AKAP9: variants seen among roughly 807,000 people sequenced by gnomAD.
AKAP9 encodes A-kinase anchoring protein 9.
AKAP9 carries 311 observed loss-of-function variants against 488.5 expected under a neutral mutation model. The ratio of observed to expected loss-of-function variants is 0.64; its 90% CI spans 0.58 to 0.70. The LOEUF is 0.70. Among genes scored for constraint, AKAP9 ranks in the 30% least tolerant of loss-of-function variants. The pLI is 0.00. For synonymous variants in AKAP9, 1,462 were observed against 1,483.5 expected, an observed-to-expected ratio of 0.99 and a Z score of 0.33; for missense variants, 4,215 against 4,374.5, an observed-to-expected ratio of 0.96 and a Z score of 1.03.
chr7:92,002,394 T>A lies in AKAP9; in HGVS notation c.2477T>A (p.Ile826Lys), dbSNP rs534185372. The A allele has an allele frequency of 6.2e-7, 1 of 1,610,766 alleles. No individual in the cohort carries two copies. The highest frequency in any genetic ancestry group is 2.2e-5 in the East Asian group (1 of 44,758). Reference protein sequence around the residue: ...SVWEKEIEILIEENEDLKQQC... With the variant: ...SVWEKEIEILKEENEDLKQQC... The stretch of plus-strand genomic sequence containing the variant: ...TGGGAAAAAGAAATAGAAATACTTA[T>A]AGAGGAAAATGAGGACCTCAAACAA... The change falls in exon 8 of 50, where the codon ATA (isoleucine) becomes AAA (lysine). Residue 826 changes from isoleucine to lysine, a missense_variant. Ile to Lys is a moderately radical substitution (Grantham distance 102, BLOSUM62 -3). Around this residue, in one of 5 missense-constraint regions of AKAP9, gnomAD observed 2,361 missense variants for 2,430.0 expected, o/e 0.97. Transcript: ENST00000356239.
chr7:92,102,170 A>AAAT (rs1817629080), intron 45 of AKAP9, among the ~76,000 whole-genome samples: 20 of 135,018 alleles, frequency 1.5e-4, no homozygotes, highest in South Asian at 2.3e-4. Flanking sequence ...ATTTAAAAAA[A>AAAT]AAATAAATAA....
At chr7:91,992,681 A>C (rs990598658) in intron 4 of AKAP9, among the ~76,000 whole-genome samples, 11 of 151,656 alleles carry the variant, frequency 7.3e-5, no homozygotes, top group African/African-American at 7.3e-5. Context: ...AAAAAAAAAA[A>C]AAAACTCAAT....
At chr7:92,094,965 C>A in intron 39 of AKAP9, 58 bp from the exon 40 acceptor site, 2 of 1,544,954 alleles carry the variant, frequency 1.3e-6, no homozygotes, top group Non-Finnish European at 1.8e-6. Flanking sequence ...TTTTCTCTCT[C>A]TCATTATATG....
chr7:91,971,982 C>CT (rs71107846), intron 1 of AKAP9, among the ~76,000 whole-genome samples: 3,273 of 91,742 alleles, frequency 0.036, 246 homozygotes, highest in East Asian at 0.17. Context: ...TTTTGCCTCT[C>CT]TTTTTTTTTT....
chr7:92,105,421 C>T (rs1818353906), intron 46 of AKAP9, among the ~76,000 whole-genome samples: 2 of 152,154 alleles, frequency 1.3e-5, no homozygotes, highest in Admixed American at 1.3e-4. Context: ...CCCCATTTAT[C>T]CCTCAAGCTG....
In AKAP9 at chr7:92,006,501, C is replaced by T. The variant is rs190158773; in HGVS notation, c.3318+3266C>T. 1.2e-4 allele frequency among the ~76,000 whole-genome samples: 19 copies of T among 152,246 alleles called. No homozygotes were observed. In the East Asian group the frequency reaches 3.7e-3, roughly 29 times the overall value. On this transcript the variant is annotated intron_variant, in intron 8 of 49. Transcript: ENST00000356239. ...GATACTAAAAAGATACTTTTGATGG[C>T]ATTCAGATTCCCTCTATTTGACATT...
At chr7:92,031,998 C>G (rs181781066) in intron 16 of AKAP9, among the ~76,000 whole-genome samples, 92 of 152,270 alleles carry the variant, frequency 6.0e-4, no homozygotes, top group Non-Finnish European at 8.1e-4. Context: ...ACTACAGATA[C>G]TAAGGGAGGA....
Position 91,992,157 on chromosome 7 carries a change from G to A in AKAP9, c.352-1G>A, listed in dbSNP as rs2130633941. The A allele has an allele frequency of 6.2e-7, 1 of 1,606,942 alleles. No homozygotes were observed. On this transcript the variant is annotated splice_acceptor_variant, in intron 3 of 49. Transcript: ENST00000356239. LOFTEE classifies it high-confidence loss of function. ...TATATCAGGAAATTGTTTTTATACA[G>A]GTAAATGGTTGCAGTTTTGTGATGA...
Position 92,005,138 on chromosome 7 carries a change from T to G in AKAP9, c.3318+1903T>G, listed in dbSNP as rs144634887. On this transcript the variant is annotated intron_variant, in intron 8 of 49. Coordinates refer to ENST00000356239, the MANE Select transcript of AKAP9 (RefSeq NM_005751.5). ...ATTACACTTACTGATTTGCGTATGT[T>G]GAACCAGCCTTGCATCCCAGGGATG... 2.6e-3 allele frequency among the ~76,000 whole-genome samples: 393 copies of G among 152,348 alleles called. 1 individual carries two copies. Among genetic ancestry groups the G allele is most frequent in the African/African-American group, 9.2e-3 (381 of 41,582 alleles).
chr7:92,079,625 G>T lies in AKAP9; in HGVS notation c.7492G>T (p.Glu2498Ter). 6.2e-7 allele frequency: 1 copy of T among 1,613,886 alleles called. No homozygotes were observed. Among genetic ancestry groups the T allele is most frequent in the South Asian group, 1.1e-5 (1 of 91,054 alleles). ...TGGCAAAGGTTCCATAATTAATTTG[G>T]AAACAAGGTTGCTACAACTTGAGAG... is the stretch of plus-strand genomic sequence containing the variant. ...ENGKGSIINL[E>*]TRLLQLESTV... Residue 2498 changes from glutamate (E) to a stop codon, truncating the protein, a stop_gained, in exon 31 of 50, where the codon GAA (glutamate) becomes TAA (stop). Coordinates refer to ENST00000356239, the MANE Select transcript of AKAP9 (RefSeq NM_005751.5). LOFTEE classifies it high-confidence loss of function.
At position 91,967,046 on chromosome 7, in the gene AKAP9, T is replaced by A. The variant is rs144115321; in HGVS notation, c.49-6665T>A. On this transcript the variant is annotated intron_variant, in intron 1 of 49. Transcript: ENST00000356239. Reference sequence around the variant, plus strand: ...TAGATTTTTTACTTCTTTAGTTAAATTGATTTCTGGGTATTTTATATTCTT... The same window carrying A: ...TAGATTTTTTACTTCTTTAGTTAAAATGATTTCTGGGTATTTTATATTCTT... Among the ~76,000 whole-genome samples, 980 of 152,296 alleles carry A rather than the reference T, an allele frequency of 6.4e-3. 11 individuals are homozygous for A. Among genetic ancestry groups the A allele is most frequent in the Non-Finnish European group, 9.3e-3 (630 of 68,012 alleles).
intron 2 of AKAP9, among the ~76,000 whole-genome samples, chr7:91,979,175 T>C (rs1338085464): frequency 6.6e-6 from 1 of 152,068 alleles, no homozygotes; most frequent in East Asian, 1.9e-4. Context: ...TCCATTTTCA[T>C]GCTGCTGATA....
At chr7:91,950,856 T>C (rs1207149966) in intron 1 of AKAP9, among the ~76,000 whole-genome samples, 1 of 152,206 alleles carries the variant, frequency 6.6e-6, no homozygotes, top group Non-Finnish European at 1.5e-5. Flanking sequence ...GAGTTTTGGC[T>C]GAAAGTTACA....
chr7:91,999,382 C>T (rs1430598278), intron 7 of AKAP9, among the ~76,000 whole-genome samples: 4 of 152,218 alleles, frequency 2.6e-5, no homozygotes, highest in South Asian at 2.1e-4. Flanking sequence ...CCCAGCCCCA[C>T]GCCCAGCTAG....
At position 92,042,029 on chromosome 7, in the gene AKAP9, C is replaced by A. The variant is rs1431147076; in HGVS notation, c.4918-17C>A. On this transcript the variant is annotated splice_polypyrimidine_tract_variant and intron_variant, in intron 18 of 49. Coordinates refer to ENST00000356239, the MANE Select transcript of AKAP9 (RefSeq NM_005751.5). ...TATCACAAACAGTATTCTTTCATGA[C>A]CTTTTTTCTTATTTAGAGATCCTCC... The A allele has an allele frequency of 1.9e-6, 3 of 1,612,720 alleles. No individual in the cohort carries two copies. The highest frequency in any genetic ancestry group is 1.7e-5 in the Admixed American group (1 of 59,928).
chr7:92,105,839 C>A, intron 47 of AKAP9, 76 bp downstream of exon 47: 1 of 1,314,418 alleles, frequency 7.6e-7, no homozygotes, highest in South Asian at 1.2e-5. Context: ...GACTATGGAC[C>A]ATACTTGTCT....
intron 1 of AKAP9, 30 bp downstream of exon 1, chr7:91,941,177 G>C (rs370933705): frequency 1.2e-6 from 2 of 1,605,674 alleles, no homozygotes. Flanking sequence ...CCGGGCCTGC[G>C]GTGGGAGGCG....
intron 22 of AKAP9, among the ~76,000 whole-genome samples, chr7:92,054,452 G>A (rs1257470737): frequency 1.3e-5 from 2 of 151,754 alleles, no homozygotes; most frequent in African/African-American, 4.8e-5. Flanking sequence ...AAATAGCTTT[G>A]TACAGGATAC....
At chr7:92,040,646 G>GTTTTTTTTTT in intron 17 of AKAP9, 28 bp from the exon 18 acceptor site, 2 of 1,118,612 alleles carry the variant, frequency 1.8e-6, no homozygotes, top group Admixed American at 4.7e-5. Context: ...TGGTTGAATT[G>GTTTTTTTTTT]TTTTTTTTTT....
Sources: allele counts gnomAD v4.1 joint callset (sites outside exome capture counted in the v4.1 genomes callset), GRCh38; gene constraint gnomAD v4.1.1; regional missense constraint gnomAD v4.1.1; transcripts MANE v1.5; gene names NCBI Gene and HGNC (gene_info 2026-07-23, HGNC 2026-07-21).